The following DNAH7 variants were observed in gnomAD, a reference collection of about 807,000 sequenced individuals.
DNAH7 encodes axonemal beta dynein heavy chain 7.
Under a neutral mutation model 444.6 loss-of-function variants are expected in DNAH7, and 397 were observed. The observed-to-expected ratio is 0.89, with a 90% CI of 0.82 to 0.97. The LOEUF is 0.97. Among genes scored for constraint, DNAH7 ranks in the 50% least tolerant of loss-of-function variants. The pLI is 0.00. For missense variants in DNAH7, 4,902 were observed against 4,800.8 expected, an observed-to-expected ratio of 1.02 and a Z score of -0.62; for synonymous variants, 1,636 against 1,624.4, an observed-to-expected ratio of 1.01 and a Z score of -0.17.
chr2:195,802,535 G>C (rs911971554), intron 54 of DNAH7, among the ~76,000 whole-genome samples: 2 of 152,034 alleles, frequency 1.3e-5, no homozygotes, highest in African/African-American at 4.8e-5. Context: ...TGGGCATGGT[G>C]GTGCATGTCT....
intron 17 of DNAH7, among the ~76,000 whole-genome samples, chr2:195,963,044 TG>T (rs1691217908): frequency 6.6e-6 from 1 of 152,236 alleles, no homozygotes; most frequent in African/African-American, 2.4e-5. Context: ...TTCCAAATCT[TG>T]GCTATTGTGA....
At chr2:196,066,959 A>G (rs1427920780) in intron 1 of DNAH7, among the ~76,000 whole-genome samples, 1 of 152,210 alleles carries the variant, frequency 6.6e-6, no homozygotes, top group Non-Finnish European at 1.5e-5. Flanking sequence ...TAAATTACAA[A>G]TCAACCAAAA....
intron 19 of DNAH7, among the ~76,000 whole-genome samples, chr2:195,937,212 T>C (rs902475978): frequency 2.0e-5 from 3 of 152,172 alleles, no homozygotes; most frequent in East Asian, 1.9e-4. Flanking sequence ...TGAATAATAA[T>C]AACATAACAG....
At chr2:196,009,458 C>T (rs918870877) in intron 10 of DNAH7, among the ~76,000 whole-genome samples, 1 of 152,114 alleles carries the variant, frequency 6.6e-6, no homozygotes, top group Non-Finnish European at 1.5e-5. Flanking sequence ...AAAAAAGTCC[C>T]AAGGTTTTCA....
intron 15 of DNAH7, among the ~76,000 whole-genome samples, chr2:195,982,202 C>A (rs1692621742): frequency 6.6e-6 from 1 of 151,970 alleles, no homozygotes; most frequent in Non-Finnish European, 1.5e-5. Context: ...AAAAGACATA[C>A]AAATGGCAAA....
chr2:196,029,736 ATGTGCTTCCAAACAGC>A (rs11269545), intron 5 of DNAH7, among the ~76,000 whole-genome samples: 2,721 of 152,292 alleles, frequency 0.018, 76 homozygotes, highest in African/African-American at 0.061. Flanking sequence ...GCCCTTCCAT[ATGTGCTTCCAAACAGC>A]TGTGCTTATT....
rs576227877 is a variant in DNAH7, at chr2:196,053,343, C to T, written c.79-2094G>A. Among the ~76,000 whole-genome samples, 3 of 152,344 alleles carry T rather than the reference C, an allele frequency of 2.0e-5. No individual in the cohort carries two copies. In the South Asian group the frequency reaches 6.2e-4, roughly 32 times the overall value. On this transcript the variant is annotated intron_variant, in intron 2 of 64. Coordinates refer to ENST00000312428, the MANE Select transcript of DNAH7 (RefSeq NM_018897.3). ...GTCTCCTTTTAGGGTGAACTTTAGT[C>T]TCAGTTTGCGGAAGACAGTCTCAGT... is the stretch of plus-strand genomic sequence containing the variant.
At chr2:195,990,548 T>C (rs1030586443) in intron 12 of DNAH7, among the ~76,000 whole-genome samples, 2 of 151,826 alleles carry the variant, frequency 1.3e-5, no homozygotes, top group Non-Finnish European at 2.9e-5. Flanking sequence ...TCCCAGCTAC[T>C]CCAAGGGCAC....
At chr2:195,899,237 T>C (rs1363186391) in intron 28 of DNAH7, among the ~76,000 whole-genome samples, 1 of 152,256 alleles carries the variant, frequency 6.6e-6, no homozygotes, top group Non-Finnish European at 1.5e-5. Context: ...GCTTAAATTG[T>C]TTCTTGCTAT....
Position 195,855,903 on chromosome 2 carries a change from G to A in DNAH7, c.8503C>T (p.Gln2835Ter), listed in dbSNP as rs754172857. The A allele has an allele frequency of 2.5e-6, 4 of 1,613,910 alleles. No homozygotes were observed. In the South Asian group the frequency reaches 4.4e-5, roughly 18 times the overall value. ...KIAMDGLRKK[Q>*]AALKEVQDKL... ...TCCTGAACTTCCTTAAGGGCTGCCT[G>A]CTTCTTTCTAAGACCATCCATGGCA... The change falls in exon 45 of 65, where the codon CAG becomes TAG. Residue 2835 changes from glutamine to a stop codon, truncating the protein, a stop_gained. Transcript: ENST00000312428. LOFTEE classifies it high-confidence loss of function.
At chr2:195,866,159 A>T (rs1377634253) in intron 40 of DNAH7, among the ~76,000 whole-genome samples, 1 of 152,240 alleles carries the variant, frequency 6.6e-6, no homozygotes, top group African/African-American at 2.4e-5. Flanking sequence ...TATAAAATAG[A>T]AGTAGTATTA....
intron 54 of DNAH7, among the ~76,000 whole-genome samples, chr2:195,800,852 A>T (rs1227968362): frequency 6.6e-6 from 1 of 152,224 alleles, no homozygotes; most frequent in Non-Finnish European, 1.5e-5. Context: ...AACAAAACAC[A>T]GGAGAAAATA....
chr2:195,824,523 T>A, intron 48 of DNAH7, 78 bp from the exon 49 acceptor site: 1 of 1,238,708 alleles, frequency 8.1e-7, no homozygotes, highest in Non-Finnish European at 1.1e-6. Context: ...CCCTCCAAGT[T>A]CTTTCAGCCT....
intron 21 of DNAH7, among the ~76,000 whole-genome samples, chr2:195,933,570 T>A (rs529626581): frequency 1.3e-5 from 2 of 151,934 alleles, no homozygotes; most frequent in African/African-American, 2.4e-5. Flanking sequence ...TATGCAGCCA[T>A]AGAAAAGGAT....
At chr2:196,063,145 G>C (rs1024939012) in intron 1 of DNAH7, among the ~76,000 whole-genome samples, 2 of 152,150 alleles carry the variant, frequency 1.3e-5, no homozygotes, top group Non-Finnish European at 2.9e-5. Context: ...GCCTCCCAAA[G>C]TGCTGGGATT....
chr2:195,925,426 C>T (rs2125365545), intron 22 of DNAH7, among the ~76,000 whole-genome samples: 1 of 152,228 alleles, frequency 6.6e-6, no homozygotes, highest in Non-Finnish European at 1.5e-5. Context: ...AGGAAAAATA[C>T]ACATGGGGAG....
rs776737422 is a variant in DNAH7 at position 195,771,795 on chromosome 2, G to A, written c.11298C>T (p.Ile3766=). 1.1e-5 allele frequency: 18 copies of A among 1,613,992 alleles called. No homozygotes were observed. The highest frequency in any genetic ancestry group is 3.3e-5 in the South Asian group (3 of 91,074). ...ILGKLPNNFD[I]EAAMRRYPTT... is the part of the protein sequence containing the mutation. ...TTGGGTACCTCCTCATGGCAGCCTC[G>A]ATGTCGAAGTTGTTTGGAAGTTTGC... is the stretch of plus-strand genomic sequence containing the variant. The change falls in exon 61 of 65, where the codon ATC becomes ATT. Residue 3766 remains isoleucine (I), a synonymous_variant. Transcript: ENST00000312428.
intron 1 of DNAH7, 90 bp downstream of exon 1, chr2:196,068,607 G>C (rs1575141442): frequency 5.9e-6 from 9 of 1,523,836 alleles, no homozygotes; most frequent in Non-Finnish European, 5.3e-6. Context: ...CAGCTGGGGA[G>C]TTCGCTAGGC....
intron 10 of DNAH7, among the ~76,000 whole-genome samples, chr2:196,006,816 A>C (rs751895691): frequency 1.3e-5 from 2 of 152,148 alleles, no homozygotes; most frequent in African/African-American, 2.4e-5. Context: ...AAGAATACTT[A>C]GAAAAAAATT....
Sources: allele counts gnomAD v4.1 joint callset (sites outside exome capture counted in the v4.1 genomes callset), GRCh38; gene constraint gnomAD v4.1.1; transcripts MANE v1.5; gene names NCBI Gene and HGNC (gene_info 2026-07-23, HGNC 2026-07-21).